Variants in HDGFL2 observed in about 807,000 individuals in gnomAD.
HDGFL2 encodes HDGF like 2, also known as hepatoma-derived growth factor-related protein 2.
HDGFL2 carries 36 observed loss-of-function variants against 77.1 expected under a neutral mutation model. The observed-to-expected ratio is 0.47, with a 90% CI of 0.36 to 0.62. The LOEUF (loss-of-function observed/expected upper bound fraction) is 0.62. HDGFL2 is among the 20% of genes least tolerant of loss of function. The probability of loss-of-function intolerance (pLI) is 0.00; values close to 1 mark genes in which losing one functional copy is unlikely to be tolerated. For missense variants in HDGFL2, 976 were observed against 973.4 expected, an observed-to-expected ratio of 1.00 and a Z score of -0.04; for synonymous variants, 463 against 413.1, an observed-to-expected ratio of 1.12 and a Z score of -1.46.
intron 9 of HDGFL2, among the ~76,000 whole-genome samples, chr19:4,495,287 C>T (rs1201922014): frequency 3.5e-5 from 5 of 143,984 alleles, no homozygotes; most frequent in South Asian, 2.2e-4. Context: ...ACTCAGGAGG[C>T]TGAGGCAGGA....
intron 6 of HDGFL2, among the ~76,000 whole-genome samples, chr19:4,492,987 GTAGT>G (rs1325087785): frequency 1.4e-5 from 2 of 139,072 alleles, no homozygotes; most frequent in Non-Finnish European, 3.1e-5. Context: ...GTGTCTGTGT[GTAGT>G]GTGTGTGTGG....
chr19:4,476,728 G>A (rs1400455647), intron 3 of HDGFL2, among the ~76,000 whole-genome samples: 1 of 151,474 alleles, frequency 6.6e-6, no homozygotes. Flanking sequence ...TCAGGGAAAG[G>A]AAGGAATTTA....
Position 4,501,997 on chromosome 19 carries a change from A to C in HDGFL2, c.2003A>C (p.Asp668Ala). Reference sequence around the variant, plus strand: ...GCACGGGGGGACTCGGAGGCCCTGGACGAGGAGAGCTGAGCCGCGGGCAGC... The same window carrying C: ...GCACGGGGGGACTCGGAGGCCCTGGCCGAGGAGAGCTGAGCCGCGGGCAGC... Reference protein sequence around the residue: ...ERARGDSEALDEES With the variant: ...ERARGDSEALAEES The change falls in exon 16 of 16, where the codon GAC becomes GCC. Residue 668 changes from aspartate (D) to alanine (A), a missense_variant. By Grantham distance (126) the Asp-to-Ala change is moderately radical. This residue lies in a region of HDGFL2 where 229 missense variants were observed against 187.3 expected (regional missense o/e 1.22). Coordinates refer to ENST00000616600, the MANE Select transcript of HDGFL2 (RefSeq NM_001001520.3). The C allele has an allele frequency of 6.6e-7, 1 of 1,517,360 alleles. No homozygotes were observed. 94.0% of individuals were successfully genotyped at this position (1,517,360 alleles called of 1,614,324 possible).
In HDGFL2 at chr19:4,475,395, C is replaced by G; in HGVS notation, c.149+44C>G. On this transcript the variant is annotated intron_variant, in intron 2 of 15. Transcript: ENST00000616600. ...GGCTTGGTTTTCTCCTCTGGTGCCT[C>G]CCGGGGTGGCCTCACTCACCTGGGA... 4 of 1,614,056 alleles carry G rather than the reference C, an allele frequency of 2.5e-6. No homozygotes were observed. In the South Asian group the frequency reaches 4.4e-5, roughly 18 times the overall value.
At position 4,493,876 on chromosome 19, in the gene HDGFL2, G is replaced by A. The variant is rs1387892231; in HGVS notation, c.838+14G>A. 2.0e-6 allele frequency: 3 copies of A among 1,504,998 alleles called. No individual in the cohort carries two copies. Among genetic ancestry groups the A allele is most frequent in the South Asian group, 1.3e-5 (1 of 78,212 alleles). 93.2% of individuals were successfully genotyped at this position (1,504,998 alleles called of 1,614,324 possible). A position where few individuals can be genotyped will look rare whatever the true frequency, so the allele number is the denominator to read the frequency against. On this transcript the variant is annotated intron_variant, in intron 7 of 15. Coordinates refer to ENST00000616600, the MANE Select transcript of HDGFL2 (RefSeq NM_001001520.3). ...GCAGGAAGCCAGGTAGGGCCCTCGT[G>A]CTCGCACATCTCTTGGCCTGGCCCC...
At chr19:4,484,086 G>A (rs1226193453) in intron 3 of HDGFL2, among the ~76,000 whole-genome samples, 1 of 144,512 alleles carries the variant, frequency 6.9e-6, no homozygotes, top group Non-Finnish European at 1.5e-5. Flanking sequence ...ACTGCACCCG[G>A]CCTTTTTTTT....
chr19:4,495,544 G>A (rs1339568121), intron 9 of HDGFL2, among the ~76,000 whole-genome samples: 1 of 152,120 alleles, frequency 6.6e-6, no homozygotes, highest in Non-Finnish European at 1.5e-5. Context: ...GGCCTCTGGG[G>A]CTGGAGTGGA....
intron 4 of HDGFL2, among the ~76,000 whole-genome samples, chr19:4,490,893 C>T (rs1383940185): frequency 6.6e-6 from 1 of 151,734 alleles, no homozygotes; most frequent in Admixed American, 6.6e-5. Context: ...CTCACCGCAA[C>T]CTCTGCCTCC....
Position 4,502,107 on chromosome 19 carries a change from T to G in HDGFL2, c.*97T>G, listed in dbSNP as rs746513618. ...CAGAGCAGAGAACTGTGGGGAACGC[T>G]GTGCTGTTTGTATTTGTTCCCTTGG... On this transcript the variant is annotated 3_prime_UTR_variant, in exon 16 of 16. Transcript: ENST00000616600. The G allele has an allele frequency of 2.3e-6, 2 of 869,408 alleles. No individual in the cohort carries two copies. Among genetic ancestry groups the G allele is most frequent in the South Asian group, 1.4e-5 (1 of 69,988 alleles). The allele number at this position is 869,408 out of a possible 1,614,324, so 53.9% of individuals were successfully genotyped here. A position where few individuals can be genotyped will look rare whatever the true frequency, so the allele number is the denominator to read the frequency against.
chr19:4,478,007 G>A (rs1431523100), intron 3 of HDGFL2, among the ~76,000 whole-genome samples: 1 of 150,850 alleles, frequency 6.6e-6, no homozygotes, highest in African/African-American at 2.4e-5. Flanking sequence ...TTCAACGCGG[G>A]AGGGAGAAGT....
intron 9 of HDGFL2, 59 bp downstream of exon 9, chr19:4,494,534 A>G: frequency 2.5e-6 from 3 of 1,219,900 alleles, no homozygotes; most frequent in Non-Finnish European, 3.2e-6. Context: ...TGGAGCATCT[A>G]CTAGGTAGGA....
intron 2 of HDGFL2, 37 bp downstream of exon 2, chr19:4,475,388 G>T: frequency 6.2e-7 from 1 of 1,613,972 alleles, no homozygotes; most frequent in Non-Finnish European, 8.5e-7. Context: ...TTTCTCCTCT[G>T]GTGCCTCCCG....
Position 4,498,951 on chromosome 19 carries a change from G to C in HDGFL2, c.1575+36G>C, listed in dbSNP as rs370870072. 4 of 1,456,082 alleles carry C rather than the reference G, an allele frequency of 2.7e-6. No individual in the cohort carries two copies. The Admixed American group carries it at 7.6e-5, about 28-fold the overall frequency. 90.2% of individuals were successfully genotyped at this position (1,456,082 alleles called of 1,614,324 possible). ...GGAATCAGAGGCGCAGGGTGCAGTC[G>C]GGGGAGCTGGGAGCAAGTGCCTGCC... On this transcript the variant is annotated intron_variant, in intron 13 of 15. Coordinates refer to ENST00000616600, the MANE Select transcript of HDGFL2 (RefSeq NM_001001520.3).
At chr19:4,488,994 C>T in intron 4 of HDGFL2, 118 bp downstream of exon 4, 1 of 791,794 alleles carries the variant, frequency 1.3e-6, no homozygotes, top group Non-Finnish European at 2.0e-6. Context: ...TACTCTGTCG[C>T]CCAGGCTGGA....
Position 4,486,072 on chromosome 19 carries a change from C to A in HDGFL2, c.289-2604C>A, listed in dbSNP as rs796520435. The stretch of plus-strand genomic sequence containing the variant: ...CGTCTCAAAAAAAAAAAAAAAAAAA[C>A]AACAACCACGAAAACTCAATCTCTC... On this transcript the variant is annotated intron_variant, in intron 3 of 15. Coordinates refer to ENST00000616600, the MANE Select transcript of HDGFL2 (RefSeq NM_001001520.3). 2.4e-3 allele frequency among the ~76,000 whole-genome samples: 319 copies of A among 132,992 alleles called. 4 individuals carry two copies. The highest frequency in any genetic ancestry group is 7.7e-3 in the African/African-American group (268 of 34,888). 87.2% of individuals were successfully genotyped at this position (132,992 alleles called of 152,430 possible).
intron 15 of HDGFL2, chr19:4,501,670 C>T (rs1029427662): frequency 4.0e-6 from 2 of 499,666 alleles, no homozygotes; most frequent in South Asian, 3.4e-5. Context: ...TGGTACAAGG[C>T]TCAGTGGAGT....
chr19:4,498,061 A>T (rs370893055), intron 11 of HDGFL2, 30 bp downstream of exon 11: 125 of 1,524,924 alleles, frequency 8.2e-5, no homozygotes, highest in Non-Finnish European at 1.0e-4. Flanking sequence ...CACTGCCCAC[A>T]CTGAGTTCAC....
chr19:4,492,476 T>C (rs1975542115), intron 6 of HDGFL2, among the ~76,000 whole-genome samples: 1 of 151,978 alleles, frequency 6.6e-6, no homozygotes, highest in African/African-American at 2.4e-5. Context: ...TGTGTGCCTG[T>C]GTGTCCATGT....
At chr19:4,500,124 G>A (rs1376993921) in intron 14 of HDGFL2, among the ~76,000 whole-genome samples, 1 of 152,200 alleles carries the variant, frequency 6.6e-6, no homozygotes, top group Non-Finnish European at 1.5e-5. Context: ...CTGGTGGGCC[G>A]ACAGGAGATG....
Sources: allele counts gnomAD v4.1 joint callset (sites outside exome capture counted in the v4.1 genomes callset), GRCh38; gene constraint gnomAD v4.1.1; regional missense constraint gnomAD v4.1.1; transcripts MANE v1.5; gene names NCBI Gene and HGNC (gene_info 2026-07-23, HGNC 2026-07-21).